Variants in NT5E observed in about 807,000 individuals in gnomAD.
NT5E encodes the protein 5'-nucleotidase.
A neutral mutation model predicts 55.1 loss-of-function variants in NT5E; 53 were observed. That is an observed-to-expected ratio of 0.96 (90% CI 0.77 to 1.21). The LOEUF (loss-of-function observed/expected upper bound fraction) is 1.21. NT5E is among the 50% of genes most tolerant of loss of function. The pLI, the probability that NT5E is intolerant of heterozygous loss-of-function variation, is 0.00. For synonymous variants in NT5E, 270 were observed against 278.4 expected (o/e 0.97, Z 0.30); for missense variants, 683 against 724.3 (o/e 0.94, Z 0.65).
intron 1 of NT5E, among the ~76,000 whole-genome samples, chr6:85,459,506 C>A (rs1200101112): frequency 1.3e-5 from 2 of 152,182 alleles, no homozygotes; most frequent in Non-Finnish European, 2.9e-5. Context: ...TTCTTTGTTT[C>A]CCTTCTGACA....
rs765998698 is a variant in NT5E at position 85,450,383 on chromosome 6, G to A, written c.244G>A (p.Asp82Asn). The A allele has an allele frequency of 6.3e-7, 1 of 1,599,890 alleles. No individual in the cohort carries two copies. Among genetic ancestry groups the A allele is most frequent in the Admixed American group, 1.7e-5 (1 of 57,664 alleles). ...CGCCGAACCCAACGTGCTGCTGCTG[G>A]ACGCCGGCGACCAGTACCAGGGCAC... Reference protein sequence around the residue: ...RRAEPNVLLLDAGDQYQGTIW... With the variant: ...RRAEPNVLLLNAGDQYQGTIW... The change falls in exon 1 of 9, where the codon GAC (aspartate) becomes AAC (asparagine). Residue 82 changes from aspartate (D) to asparagine (N), a missense_variant. By Grantham distance (23) the Asp-to-Asn change is conservative (BLOSUM62 1). Coordinates refer to ENST00000257770, the MANE Select transcript of NT5E (RefSeq NM_002526.4). The surrounding 1 kb of genome is among the most constrained non-coding windows in gnomAD (Gnocchi z 4.0).
intron 1 of NT5E, among the ~76,000 whole-genome samples, chr6:85,454,562 C>A (rs1420729131): frequency 6.6e-6 from 1 of 152,094 alleles, no homozygotes; most frequent in African/African-American, 2.4e-5. Flanking sequence ...AGGTTTTGAT[C>A]TGTGATCAAT....
rs772178773 is a variant in NT5E at position 85,492,133 on chromosome 6, AT to A, written c.1518del (p.Asp506GlufsTer5). The A allele has an allele frequency of 6.2e-7, 1 of 1,614,150 alleles. No individual in the cohort carries two copies. The highest frequency in any genetic ancestry group is 8.5e-7 in the Non-Finnish European group (1 of 1,180,006). ...ILPNFLANGG[D>X]GFQMIKDELL... ...CCAAACTTCCTGGCCAATGGTGGAG[AT>A]GGGTTCCAGATGATAAAAGATGAAT... On this transcript the variant is annotated frameshift_variant, in exon 8 of 9. Coordinates refer to ENST00000257770, the MANE Select transcript of NT5E (RefSeq NM_002526.4). LOFTEE classifies it high-confidence loss of function.
chr6:85,466,451 G>A (rs1562138283), intron 1 of NT5E, among the ~76,000 whole-genome samples: 1 of 152,130 alleles, frequency 6.6e-6, no homozygotes, highest in Non-Finnish European at 1.5e-5. Flanking sequence ...GGAGGAGGAA[G>A]CCAGAGCCAC....
chr6:85,450,240 C>G lies in NT5E; in HGVS notation c.101C>G (p.Thr34Ser), dbSNP rs748328501. Reference sequence around the variant, plus strand: ...GCCTGGGAGCTTACGATTTTGCACACCAACGACGTGCACAGCCGGCTGGAG... The same window carrying G: ...GCCTGGGAGCTTACGATTTTGCACAGCAACGACGTGCACAGCCGGCTGGAG... The part of the protein sequence containing the change: ...AGAWELTILH[T>S]NDVHSRLEQT... Residue 34 changes from threonine to serine, a missense_variant, in exon 1 of 9, where the codon ACC becomes AGC. Coordinates refer to ENST00000257770, the MANE Select transcript of NT5E (RefSeq NM_002526.4). The surrounding 1 kb of genome is among the most constrained non-coding windows in gnomAD (Gnocchi z 4.0). The G allele has an allele frequency of 2.5e-6, 4 of 1,610,074 alleles. No homozygotes were observed. The African/African-American group carries it at 5.3e-5, about 21-fold the overall frequency.
Position 85,478,451 on chromosome 6 carries a change from GTCT to G in NT5E, c.752-6780_752-6778del, listed in dbSNP as rs199974631. 3.9e-5 allele frequency among the ~76,000 whole-genome samples: 6 copies of G among 152,248 alleles called. No homozygotes were observed. The East Asian group carries it at 1.2e-3, about 29-fold the overall frequency. Reference sequence around the variant, plus strand: ...GTTTCCTTAACTTTGCTGCTTGATGGTCTTCTGCAAAGGATCTCATTTCTCCAG... The same window carrying G: ...GTTTCCTTAACTTTGCTGCTTGATGGTCTGCAAAGGATCTCATTTCTCCAG... On this transcript the variant is annotated intron_variant, in intron 3 of 8. Coordinates refer to ENST00000257770, the MANE Select transcript of NT5E (RefSeq NM_002526.4).
chr6:85,468,784 AGGTCTT>A (rs1769246205), intron 2 of NT5E, among the ~76,000 whole-genome samples: 1 of 152,096 alleles, frequency 6.6e-6, no homozygotes, highest in Non-Finnish European at 1.5e-5. Flanking sequence ...TAGGAGGTGC[AGGTCTT>A]GGTGGAAAGG....
At position 85,450,267 on chromosome 6, in the gene NT5E, A is replaced by G. The variant is rs534674647; in HGVS notation, c.128A>G (p.Gln43Arg). The G allele has an allele frequency of 1.7e-5, 27 of 1,608,978 alleles. No homozygotes were observed. In the African/African-American group the frequency reaches 3.2e-4, roughly 19 times the overall value. The change falls in exon 1 of 9, where the codon CAG becomes CGG. Residue 43 changes from glutamine to arginine, a missense_variant. Physicochemically the swap from Gln to Arg is conservative, Grantham distance 43. Transcript: ENST00000257770. The surrounding 1 kb of genome is among the most constrained non-coding windows in gnomAD (Gnocchi z 4.0). ...HTNDVHSRLEQTSEDSSKCVN... is the reference protein window; with the variant it reads ...HTNDVHSRLERTSEDSSKCVN... ...AACGACGTGCACAGCCGGCTGGAGCAGACCAGCGAGGACTCCAGCAAGTGC... is the reference window on the plus strand; with the variant it reads ...AACGACGTGCACAGCCGGCTGGAGCGGACCAGCGAGGACTCCAGCAAGTGC...
At chr6:85,469,942 A>G (rs1462791466) in intron 2 of NT5E, among the ~76,000 whole-genome samples, 9 of 152,228 alleles carry the variant, frequency 5.9e-5, no homozygotes, top group Admixed American at 5.9e-4. Context: ...GGAACAAGGG[A>G]TGCATTTCTA....
chr6:85,458,476 A>T (rs1769030715), intron 1 of NT5E, among the ~76,000 whole-genome samples: 1 of 152,184 alleles, frequency 6.6e-6, no homozygotes, highest in Non-Finnish European at 1.5e-5. Context: ...TTGTCCTCGT[A>T]CTATTAATAG....
chr6:85,475,933 A>AC (rs1358261759), intron 3 of NT5E, among the ~76,000 whole-genome samples: 5 of 152,164 alleles, frequency 3.3e-5, no homozygotes, highest in Non-Finnish European at 7.4e-5. Flanking sequence ...AATAAAAAAA[A>AC]ATTTGGTAGA....
In NT5E at chr6:85,489,560, G is replaced by A. The variant is rs777704566; in HGVS notation, c.1171G>A (p.Gly391Arg). 3.7e-6 allele frequency: 6 copies of A among 1,613,858 alleles called. No individual in the cohort carries two copies. The East Asian group carries it at 8.9e-5, about 24-fold the overall frequency. Residue 391 changes from glycine (G) to arginine (R), a missense_variant, in exon 6 of 9, where the codon GGA becomes AGA. Coordinates refer to ENST00000257770, the MANE Select transcript of NT5E (RefSeq NM_002526.4). ...CCACGTATCCATGTGCATTTTAAAT[G>A]GAGGTGGTATCCGGTCGCCCATTGA... The part of the protein sequence containing the change: ...WNHVSMCILN[G>R]GGIRSPIDER...
chr6:85,470,320 G>A (rs987855961), intron 2 of NT5E, among the ~76,000 whole-genome samples: 5 of 152,158 alleles, frequency 3.3e-5, no homozygotes, highest in Admixed American at 6.5e-5. Flanking sequence ...AAAGGCTATC[G>A]TTTGTTACCA....
intron 2 of NT5E, 45 bp from the exon 3 acceptor site, chr6:85,471,192 T>C: frequency 7.6e-7 from 1 of 1,321,124 alleles, no homozygotes; most frequent in Middle Eastern, 2.2e-4. Context: ...AGTAATATAA[T>C]AAAAATTGTT....
intron 1 of NT5E, among the ~76,000 whole-genome samples, chr6:85,459,597 A>T (rs1286412898): frequency 6.6e-6 from 1 of 152,192 alleles, no homozygotes; most frequent in African/African-American, 2.4e-5. Context: ...AGCCCAGCCC[A>T]GTATTTTTGA....
chr6:85,489,345 T>C (rs1769735172), intron 5 of NT5E, 149 bp from the exon 6 acceptor site: 2 of 678,994 alleles, frequency 2.9e-6, no homozygotes, highest in Admixed American at 4.2e-5. Flanking sequence ...AGCATAAAAT[T>C]AGTTCTAATT....
intron 1 of NT5E, among the ~76,000 whole-genome samples, chr6:85,451,630 G>A (rs898323807): frequency 6.6e-6 from 1 of 152,148 alleles, no homozygotes; most frequent in Non-Finnish European, 1.5e-5. Context: ...GAAGAACTGA[G>A]AAATCTCCAG....
intron 4 of NT5E, 69 bp downstream of exon 4, chr6:85,485,501 A>G (rs1562144432): frequency 2.7e-6 from 4 of 1,455,816 alleles, no homozygotes; most frequent in Admixed American, 1.7e-5. Context: ...GCTCCTTCCC[A>G]TTTTTTTCCT....
intron 1 of NT5E, among the ~76,000 whole-genome samples, chr6:85,457,439 G>C (rs776823402): frequency 2.6e-5 from 4 of 152,092 alleles, no homozygotes; most frequent in Non-Finnish European, 4.4e-5. Flanking sequence ...CCTCTCTCTT[G>C]CTTCTAATCT....
Sources: gnomAD v4.1 joint callset for allele counts (sites outside exome capture counted in the v4.1 genomes callset) on GRCh38, gnomAD v4.1.1 for gene constraint, Gnocchi (gnomAD v3.1) non-coding constraint, MANE v1.5 for transcripts, NCBI Gene and HGNC (gene_info 2026-07-23, HGNC 2026-07-21) for gene names.